The following MAP4K3 variants were observed in gnomAD, a reference collection of about 807,000 sequenced individuals.
MAP4K3 encodes the protein MAPK/ERK kinase kinase kinase 3.
Under a neutral mutation model 143.5 loss-of-function variants are expected in MAP4K3, and 94 were observed. That is an observed-to-expected ratio of 0.65 (90% CI 0.55 to 0.78). The LOEUF (loss-of-function observed/expected upper bound fraction) is 0.78. Ranked by LOEUF, MAP4K3 falls within the 30% of genes least tolerant of loss-of-function variation. MAP4K3 has a pLI of 0.00. For missense variants in MAP4K3, 1,077 were observed against 1,068.1 expected (o/e 1.01, Z -0.12); for synonymous variants, 416 against 347.2 (o/e 1.20, Z -2.20).
rs1292991826 is a variant in MAP4K3, at chr2:39,249,684, A to T, written c.*934T>A. ...AAATTTGAACCACTTCACTCTATGG[A>T]ATGTTACAGTTCTTCAGTGTGATCA... On this transcript the variant is annotated 3_prime_UTR_variant, in exon 34 of 34. Transcript: ENST00000263881. 6.6e-6 allele frequency: 1 copy of T among 152,632 alleles called. No homozygotes were observed. The highest frequency in any genetic ancestry group is 2.4e-5 in the African/African-American group (1 of 41,454). The allele number at this position is 152,632 out of a possible 1,614,324, so 9.5% of individuals were successfully genotyped here.
chr2:39,356,248 CCT>C lies in MAP4K3; in HGVS notation c.244_245del (p.Arg82AlafsTer3). On this transcript the variant is annotated frameshift_variant and splice_region_variant, in exon 3 of 34. Coordinates refer to ENST00000263881, the MANE Select transcript of MAP4K3 (RefSeq NM_003618.4). LOFTEE classifies it high-confidence loss of function. ...NIVAYFGSYL[R>X]RDKLWICMEF... ...TTTCAAAAGGGAAACAAACAGTATA[CCT>C]GAGATAGCTTCCAAAATAAGCAACA... is the stretch of plus-strand genomic sequence containing the variant. 1 of 1,564,508 alleles carries C rather than the reference CCT, an allele frequency of 6.4e-7. No individual in the cohort carries two copies. The highest frequency in any genetic ancestry group is 8.7e-7 in the Non-Finnish European group (1 of 1,143,786).
intron 27 of MAP4K3, 122 bp downstream of exon 27, chr2:39,267,067 T>C (rs551306859): frequency 1.2e-6 from 1 of 858,312 alleles, no homozygotes; most frequent in Non-Finnish European, 1.9e-6. Context: ...AGCCAAGAAA[T>C]TTGTTCTACT....
chr2:39,424,694 G>A (rs1214265772), intron 1 of MAP4K3, among the ~76,000 whole-genome samples: 1 of 151,888 alleles, frequency 6.6e-6, no homozygotes, highest in Non-Finnish European at 1.5e-5. Context: ...GGTGGGCAAG[G>A]TGGTGGACAC....
chr2:39,413,571 A>T (rs1667288431), intron 1 of MAP4K3, among the ~76,000 whole-genome samples: 1 of 152,166 alleles, frequency 6.6e-6, no homozygotes, highest in Non-Finnish European at 1.5e-5. Context: ...TAACTGTGAG[A>T]ATCCATTGAC....
chr2:39,292,419 T>TA (rs1262245148), intron 18 of MAP4K3, among the ~76,000 whole-genome samples: 2 of 152,172 alleles, frequency 1.3e-5, no homozygotes, highest in Non-Finnish European at 2.9e-5. Context: ...AGATCACTCT[T>TA]ACCCCTGATC....
At chr2:39,261,859 G>C (rs933153043) in intron 28 of MAP4K3, among the ~76,000 whole-genome samples, 1 of 151,796 alleles carries the variant, frequency 6.6e-6, no homozygotes, top group Non-Finnish European at 1.5e-5. Context: ...AATAAAATTA[G>C]TTCTAATGTT....
chr2:39,422,887 A>G (rs1311048802), intron 1 of MAP4K3, among the ~76,000 whole-genome samples: 1 of 152,144 alleles, frequency 6.6e-6, no homozygotes, highest in African/African-American at 2.4e-5. Flanking sequence ...TTTAGATACA[A>G]CACCAAAGGC....
intron 11 of MAP4K3, 28 bp downstream of exon 11, chr2:39,325,702 T>C (rs751059808): frequency 1.9e-6 from 3 of 1,567,514 alleles, no homozygotes; most frequent in Non-Finnish European, 2.6e-6. Context: ...TTGAAATATA[T>C]ATATATATTT....
intron 26 of MAP4K3, among the ~76,000 whole-genome samples, chr2:39,271,655 G>A (rs897139966): frequency 6.6e-6 from 1 of 152,156 alleles, no homozygotes; most frequent in Non-Finnish European, 1.5e-5. Flanking sequence ...GTAGTGGCAT[G>A]ATCATAGCTC....
At chr2:39,258,260 A>T in intron 31 of MAP4K3, 88 bp downstream of exon 31, 2 of 922,368 alleles carry the variant, frequency 2.2e-6, no homozygotes, top group Non-Finnish European at 3.3e-6. Context: ...AAAGAATCTT[A>T]ATAATATCAA....
chr2:39,426,239 A>G (rs6730902), intron 1 of MAP4K3, among the ~76,000 whole-genome samples: 145,527 of 152,078 alleles, frequency 0.96, 69,985 homozygotes, highest in East Asian at 1. Flanking sequence ...AAAATAAATG[A>G]TGCGTACTAC....
chr2:39,390,397 C>A (rs1666620458), intron 1 of MAP4K3, among the ~76,000 whole-genome samples: 1 of 152,122 alleles, frequency 6.6e-6, no homozygotes, highest in Non-Finnish European at 1.5e-5. Context: ...TGCTTTAAAT[C>A]ACAGAGTCTT....
Position 39,260,729 on chromosome 2 carries a change from C to A in MAP4K3, c.2185G>T (p.Val729Leu), listed in dbSNP as rs1162194451. ...PCPLRMFEML[V>L]VPEQEYPLVC... ...AAAGGGTACTCCTGTTCAGGAACTACCAGCATTTCAAACATTCTAAGTGGA... is the reference window on the plus strand; with the variant it reads ...AAAGGGTACTCCTGTTCAGGAACTAACAGCATTTCAAACATTCTAAGTGGA... Residue 729 changes from valine (V) to leucine (L), a missense_variant, in exon 29 of 34, where the codon GTA becomes TTA. Transcript: ENST00000263881. 6.2e-7 allele frequency: 1 copy of A among 1,613,506 alleles called. No individual in the cohort carries two copies. The highest frequency in any genetic ancestry group is 1.7e-5 in the Admixed American group (1 of 60,022).
chr2:39,257,426 T>C (rs1680385709), intron 31 of MAP4K3, among the ~76,000 whole-genome samples: 3 of 152,050 alleles, frequency 2.0e-5, no homozygotes, highest in Non-Finnish European at 4.4e-5. Context: ...GTATACTGAG[T>C]ACTAAATTTT....
intron 1 of MAP4K3, among the ~76,000 whole-genome samples, chr2:39,397,659 GA>G (rs1321991979): frequency 1.3e-5 from 2 of 152,208 alleles, no homozygotes; most frequent in African/African-American, 4.8e-5. Flanking sequence ...TAATTGCCAG[GA>G]AAACTCTGAA....
At chr2:39,365,732 C>T (rs1378480855) in intron 2 of MAP4K3, among the ~76,000 whole-genome samples, 1 of 152,100 alleles carries the variant, frequency 6.6e-6, no homozygotes, top group Non-Finnish European at 1.5e-5. Context: ...GCGTGAGCCA[C>T]CGCGCCCGGC....
intron 2 of MAP4K3, among the ~76,000 whole-genome samples, chr2:39,361,479 T>C (rs1482155465): frequency 1.3e-5 from 2 of 151,124 alleles, no homozygotes; most frequent in African/African-American, 4.9e-5. Flanking sequence ...ACAGTAGAAA[T>C]ACAAAATTTT....
rs747293878 is a variant in MAP4K3, at chr2:39,369,193, G to GTTTTTTTGTTTGTTTTTTTTTTT, written c.154+8872_154+8873insAAAAAAAAAAACAAACAAAAAAA. ...GGGTAAAATCTAAACCTTTGGGCTAGTTTTTTTTTTTGTTTTTTTTGAGAT... is the reference window on the plus strand; with the variant it reads ...GGGTAAAATCTAAACCTTTGGGCTAGTTTTTTTGTTTGTTTTTTTTTTTTTTTTTTTTTTGTTTTTTTTGAGAT... On this transcript the variant is annotated intron_variant, in intron 2 of 33. Transcript: ENST00000263881. Among the ~76,000 whole-genome samples, 8 of 37,972 alleles carry GTTTTTTTGTTTGTTTTTTTTTTT rather than the reference G, an allele frequency of 2.1e-4. 1 individual carries two copies. Among genetic ancestry groups the GTTTTTTTGTTTGTTTTTTTTTTT allele is most frequent in the Non-Finnish European group, 3.6e-4 (5 of 14,010 alleles). 24.9% of individuals were successfully genotyped at this position (37,972 alleles called of 152,430 possible). A position where few individuals can be genotyped will look rare whatever the true frequency, so the allele number is the denominator to read the frequency against.
chr2:39,263,799 C>T (rs1384009686), intron 28 of MAP4K3, among the ~76,000 whole-genome samples: 2 of 152,094 alleles, frequency 1.3e-5, no homozygotes, highest in Non-Finnish European at 2.9e-5. Context: ...ACCATCTACC[C>T]GGAAAAGAGA....
Sources: allele counts gnomAD v4.1 joint callset (sites outside exome capture counted in the v4.1 genomes callset), GRCh38; gene constraint gnomAD v4.1.1; transcripts MANE v1.5; gene names NCBI Gene and HGNC (gene_info 2026-07-23, HGNC 2026-07-21).